EEIG2: variants seen among roughly 807,000 people sequenced by gnomAD.
EEIG2 encodes EEIG family member 2.
the EEIG2 span, chr1:108,629,779 G>A: frequency 4.1e-6 from 3 of 730,950 alleles, no homozygotes; most frequent in Non-Finnish European, 7.4e-6. Context: ...GATAGTAGTA[G>A]TTACATGCGA....
the EEIG2 span, among the ~76,000 whole-genome samples, chr1:108,616,655 G>A: frequency 0.97 from 147,835 of 152,230 alleles, 71,924 homozygotes; most frequent in Non-Finnish European, 1. Flanking sequence ...CATCATCTTC[G>A]GGTTTTGCGT....
the EEIG2 span, among the ~76,000 whole-genome samples, chr1:108,603,896 G>A: frequency 1.3e-5 from 2 of 152,216 alleles, no homozygotes; most frequent in Non-Finnish European, 2.9e-5. Context: ...ACTGAAGAGA[G>A]CATTGGTAAA....
chr1:108,617,409 C>T, the EEIG2 span, among the ~76,000 whole-genome samples: 1 of 152,104 alleles, frequency 6.6e-6, no homozygotes, highest in Non-Finnish European at 1.5e-5. Context: ...AAGAATGGTG[C>T]TCTCATTTGT....
At chr1:108,572,983 A>G in the EEIG2 span, among the ~76,000 whole-genome samples, 3 of 152,216 alleles carry the variant, frequency 2.0e-5, no homozygotes, top group Non-Finnish European at 4.4e-5. Flanking sequence ...ATCTGGATAT[A>G]CTATGGTTTA....
chr1:108,601,408 C>T, the EEIG2 span, among the ~76,000 whole-genome samples: 11 of 151,854 alleles, frequency 7.2e-5, no homozygotes, highest in South Asian at 2.3e-3. Flanking sequence ...TTTTCCACGC[C>T]AGTTCTGCGT....
At chr1:108,631,118 CT>C in the EEIG2 span, 1 of 398,580 alleles carries the variant, frequency 2.5e-6, no homozygotes, top group South Asian at 1.8e-5. Context: ...CTATTTAGAT[CT>C]TTGATTGACT....
chr1:108,563,889 A>G, the EEIG2 span, among the ~76,000 whole-genome samples: 1 of 152,216 alleles, frequency 6.6e-6, no homozygotes, highest in African/African-American at 2.4e-5. Flanking sequence ...CTAAAGCAAA[A>G]GAGTTAATTT....
chr1:108,639,286 AAAGGTG>A, the EEIG2 span: 6 of 151,542 alleles, frequency 4.0e-5, no homozygotes, highest in Admixed American at 3.9e-4. Flanking sequence ...GTAATAATGT[AAAGGTG>A]AACATGTTCA....
At chr1:108,577,934 T>C in the EEIG2 span, among the ~76,000 whole-genome samples, 1 of 151,730 alleles carries the variant, frequency 6.6e-6, no homozygotes, top group African/African-American at 2.4e-5. Flanking sequence ...CCCATGAGCA[T>C]GGAATGTTCT....
At chr1:108,603,915 T>C in the EEIG2 span, among the ~76,000 whole-genome samples, 1 of 151,906 alleles carries the variant, frequency 6.6e-6, no homozygotes, top group African/African-American at 2.4e-5. Flanking sequence ...AATTGGAAAA[T>C]AGAAGAAAAT....
the EEIG2 span, among the ~76,000 whole-genome samples, chr1:108,583,024 A>G: frequency 2.6e-5 from 4 of 152,160 alleles, no homozygotes; most frequent in African/African-American, 4.8e-5. Flanking sequence ...GAAAATATAT[A>G]AAATTAGAAG....
At chr1:108,585,077 T>A in the EEIG2 span, among the ~76,000 whole-genome samples, 2 of 152,142 alleles carry the variant, frequency 1.3e-5, no homozygotes, top group African/African-American at 4.8e-5. Context: ...TAATATGCAT[T>A]TGTAATTATA....
chr1:108,568,686 G>A, the EEIG2 span, among the ~76,000 whole-genome samples: 3 of 152,210 alleles, frequency 2.0e-5, no homozygotes, highest in Non-Finnish European at 2.9e-5. Context: ...CCAACCTAGT[G>A]TGGTAGCTGT....
chr1:108,560,427 C>CGATGAT, the EEIG2 span: 6 of 1,602,160 alleles, frequency 3.7e-6, no homozygotes, highest in Non-Finnish European at 4.3e-6. Flanking sequence ...CTGGCTCTCA[C>CGATGAT]GATGATGAAG....
the EEIG2 span, among the ~76,000 whole-genome samples, chr1:108,616,124 CT>C: frequency 0.91 from 118,514 of 129,798 alleles, 54,769 homozygotes; most frequent in Non-Finnish European, 0.98. Context: ...CCCACTTCTT[CT>C]TTTTTTTTTT....
the EEIG2 span, among the ~76,000 whole-genome samples, chr1:108,568,538 C>T: frequency 1.3e-5 from 2 of 152,162 alleles, no homozygotes; most frequent in African/African-American, 2.4e-5. Flanking sequence ...TTGATTCTTA[C>T]AAAACCCCTT....
At chr1:108,593,866 C>T in the EEIG2 span, among the ~76,000 whole-genome samples, 434 of 152,192 alleles carry the variant, frequency 2.9e-3, 4 homozygotes, top group African/African-American at 9.3e-3. Context: ...TGTGCAGTGG[C>T]GCAATCTCAG....
At chr1:108,573,238 A>G in the EEIG2 span, among the ~76,000 whole-genome samples, 2 of 152,252 alleles carry the variant, frequency 1.3e-5, no homozygotes, top group East Asian at 3.8e-4. Flanking sequence ...AATAAAGATC[A>G]GAAAAGGCAA....
chr1:108,573,835 C>G, the EEIG2 span, among the ~76,000 whole-genome samples: 2 of 152,154 alleles, frequency 1.3e-5, no homozygotes, highest in Non-Finnish European at 2.9e-5. Flanking sequence ...GGTATCACCT[C>G]TTACTCATTA....
Sources: allele counts gnomAD v4.1 joint callset (sites outside exome capture counted in the v4.1 genomes callset), GRCh38; gene constraint gnomAD v4.1.1; transcripts MANE v1.5; gene names NCBI Gene and HGNC (gene_info 2026-07-23, HGNC 2026-07-21).